Variants in TRHDE observed in about 807,000 individuals in gnomAD.
The protein encoded by TRHDE is thyrotropin releasing hormone degrading enzyme, also known as thyrotropin-releasing hormone-degrading ectoenzyme.
TRHDE carries 72 observed loss-of-function variants against 125.7 expected under a neutral mutation model. That is an observed-to-expected ratio of 0.57 (90% CI 0.47 to 0.70). The LOEUF is 0.70. Ranked by LOEUF, TRHDE falls within the 30% of genes least tolerant of loss-of-function variation. The probability of loss-of-function intolerance (pLI) is 0.00; values close to 1 mark genes in which losing one functional copy is unlikely to be tolerated. For synonymous variants in TRHDE, 509 were observed against 509.1 expected (o/e 1.00, Z 0.00); for missense variants, 1,110 against 1,327.1 (o/e 0.84, Z 2.54).
At chr12:72,528,202 T>C (rs1413669927) in intron 6 of TRHDE, among the ~76,000 whole-genome samples, 1 of 152,212 alleles carries the variant, frequency 6.6e-6, no homozygotes, top group African/African-American at 2.4e-5. Flanking sequence ...ATTTGTGACG[T>C]TTTCTGGCAC....
intron 7 of TRHDE, among the ~76,000 whole-genome samples, chr12:72,560,295 A>G (rs1870117368): frequency 6.6e-6 from 1 of 152,146 alleles, no homozygotes; most frequent in South Asian, 2.1e-4. Context: ...GGAAACTTGA[A>G]CCTTTCTCTA....
In TRHDE at chr12:72,134,060, T is replaced by C. The variant is rs191280801; in HGVS notation, n.279+28308T>C. On this transcript the variant is annotated intron_variant and non_coding_transcript_variant, in intron 2 of 4. Transcript: ENST00000548156. Reference sequence around the variant, plus strand: ...TCAAATTTTTCTTAGGAATAAACATTAATATCTTATGATGGAACTGACAGG... The same window carrying C: ...TCAAATTTTTCTTAGGAATAAACATCAATATCTTATGATGGAACTGACAGG... Among the ~76,000 whole-genome samples, 11 of 152,348 alleles carry C rather than the reference T, an allele frequency of 7.2e-5. 1 individual carries two copies. In the East Asian group the frequency reaches 2.1e-3, roughly 29 times the overall value.
chr12:72,482,053 ACT>A (rs1435343709), intron 5 of TRHDE, among the ~76,000 whole-genome samples: 1 of 151,342 alleles, frequency 6.6e-6, no homozygotes, highest in African/African-American at 2.4e-5. Flanking sequence ...ATTTTCTCTC[ACT>A]CTATTCACTC....
chr12:72,152,598 T>C (rs537440470), intron 2 of TRHDE, among the ~76,000 whole-genome samples: 2 of 152,366 alleles, frequency 1.3e-5, no homozygotes, highest in Admixed American at 1.3e-4. Flanking sequence ...TGAGAGTTTT[T>C]AGCATGAAGG....
chr12:72,245,725 A>G (rs1878563561), intron 2 of TRHDE, among the ~76,000 whole-genome samples: 1 of 152,142 alleles, frequency 6.6e-6, no homozygotes, highest in African/African-American at 2.4e-5. Context: ...TAAGGAGTTT[A>G]TATGTGCATA....
intron 2 of TRHDE, chr12:72,254,224 T>A (rs956470982): frequency 2.0e-5 from 3 of 152,150 alleles, no homozygotes; most frequent in Non-Finnish European, 2.9e-5. Context: ...TCATTTTCAC[T>A]ATTTTTAACC....
chr12:72,663,898 T>C lies in TRHDE; in HGVS notation c.*703T>C. ...TATATGTACATAGGGAAGCCCCATA[T>C]GTATATAGTATGTTGTACACTGCAC... On this transcript the variant is annotated 3_prime_UTR_variant, in exon 19 of 19. Coordinates refer to ENST00000261180, the MANE Select transcript of TRHDE (RefSeq NM_013381.3). The C allele has an allele frequency of 6.6e-6, 1 of 152,124 alleles. No individual in the cohort carries two copies. Among genetic ancestry groups the C allele is most frequent in the East Asian group, 1.9e-4 (1 of 5,174 alleles). 9.4% of individuals were successfully genotyped at this position (152,124 alleles called of 1,614,324 possible).
At chr12:72,284,860 A>G (rs966952811) in intron 1 of TRHDE, among the ~76,000 whole-genome samples, 8 of 152,162 alleles carry the variant, frequency 5.3e-5, no homozygotes, top group Non-Finnish European at 1.0e-4. Flanking sequence ...TCTCTTTTCC[A>G]TATATTATCT....
intron 5 of TRHDE, among the ~76,000 whole-genome samples, chr12:72,495,307 C>T (rs1877868407): frequency 6.6e-6 from 1 of 151,964 alleles, no homozygotes; most frequent in Non-Finnish European, 1.5e-5. Flanking sequence ...ATCCTGTGTA[C>T]TGCAGATAAT....
chr12:72,472,687 G>A lies in TRHDE; in HGVS notation c.1471-380G>A, dbSNP rs142578826. On this transcript the variant is annotated intron_variant, in intron 4 of 18. Coordinates refer to ENST00000261180, the MANE Select transcript of TRHDE (RefSeq NM_013381.3). ...CAGACATTTACCCATGCTAATTTCC[G>A]TTCATTAGTCCTGGTTTGTCCCTTG... Among the ~76,000 whole-genome samples the A allele has an allele frequency of 2.9e-3, 447 of 152,194 alleles. 1 individual carries two copies. The highest frequency in any genetic ancestry group is 9.6e-3 in the African/African-American group (399 of 41,512).
chr12:72,582,744 T>G, intron 12 of TRHDE: 1 of 476,310 alleles, frequency 2.1e-6, no homozygotes, highest in Non-Finnish European at 2.7e-6. Context: ...TTTGTTTTGA[T>G]TTCCTCACTC....
intron 6 of TRHDE, among the ~76,000 whole-genome samples, chr12:72,518,775 G>A (rs535521081): frequency 1.6e-4 from 24 of 152,254 alleles, no homozygotes; most frequent in African/African-American, 3.6e-4. Context: ...ATTTTGCAGC[G>A]GCTGGTACTG....
At chr12:72,258,203 A>C (rs1217550036) in intron 2 of TRHDE, 1 of 152,186 alleles carries the variant, frequency 6.6e-6, no homozygotes, top group East Asian at 1.9e-4. Flanking sequence ...GAAGGTAAGA[A>C]GAAAAGGAAA....
At chr12:72,445,248 A>G (rs1875219391) in intron 3 of TRHDE, among the ~76,000 whole-genome samples, 1 of 151,764 alleles carries the variant, frequency 6.6e-6, no homozygotes, top group Non-Finnish European at 1.5e-5. Context: ...TGTGGAATTG[A>G]GGTTGTTTTA....
chr12:72,581,899 A>G lies in TRHDE; in HGVS notation c.2321+6357A>G, dbSNP rs575591766. On this transcript the variant is annotated intron_variant, in intron 12 of 18. Transcript: ENST00000261180. ...GGGCAGATCACGAGGTCAGGAGATC[A>G]AGACCATCCTGGCTAACATGGTGAA... Among the ~76,000 whole-genome samples the G allele has an allele frequency of 2.7e-4, 41 of 151,988 alleles. No individual in the cohort carries two copies. In the South Asian group the frequency reaches 6.5e-3, roughly 24 times the overall value.
chr12:72,592,970 C>T (rs868682246), intron 12 of TRHDE, among the ~76,000 whole-genome samples: 1 of 152,182 alleles, frequency 6.6e-6, no homozygotes, highest in African/African-American at 2.4e-5. Context: ...GCCTCGGCCT[C>T]CCAAAGTGCT....
At chr12:72,265,839 A>G (rs1389103394) in intron 2 of TRHDE, among the ~76,000 whole-genome samples, 2 of 152,004 alleles carry the variant, frequency 1.3e-5, no homozygotes, top group Non-Finnish European at 2.9e-5. Context: ...ATTATGTTAC[A>G]TATCATTAAA....
At chr12:72,425,450 G>T (rs1246675847) in intron 3 of TRHDE, among the ~76,000 whole-genome samples, 1 of 152,064 alleles carries the variant, frequency 6.6e-6, no homozygotes, top group African/African-American at 2.4e-5. Flanking sequence ...GATCATCTGT[G>T]TGTATGTCTG....
chr12:72,566,377 T>A (rs1174875110), intron 9 of TRHDE, among the ~76,000 whole-genome samples: 2 of 151,758 alleles, frequency 1.3e-5, no homozygotes, highest in African/African-American at 4.8e-5. Flanking sequence ...CTTATAGTTA[T>A]AACTATAAGG....
Sources: allele counts gnomAD v4.1 joint callset (sites outside exome capture counted in the v4.1 genomes callset), GRCh38; gene constraint gnomAD v4.1.1; transcripts MANE v1.5; gene names NCBI Gene and HGNC (gene_info 2026-07-23, HGNC 2026-07-21).